The following TACC2 variants were observed in gnomAD, a reference collection of about 807,000 sequenced individuals.
TACC2 encodes transforming acidic coiled-coil-containing protein 2.
Under a neutral mutation model 227.3 loss-of-function variants are expected in TACC2, and 137 were observed. The observed-to-expected ratio is 0.60, with a 90% CI of 0.52 to 0.69. The LOEUF (loss-of-function observed/expected upper bound fraction) is 0.69. Ranked by LOEUF, TACC2 falls within the 30% of genes least tolerant of loss-of-function variation. The pLI, the probability that TACC2 is intolerant of heterozygous loss-of-function variation, is 0.00. For missense variants in TACC2, 3,470 were observed against 3,694.4 expected (o/e 0.94, Z 1.57); for synonymous variants, 1,523 against 1,487.5 (o/e 1.02, Z -0.55).
chr10:122,217,819 G>A (rs1192063832), intron 11 of TACC2, among the ~76,000 whole-genome samples: 1 of 152,070 alleles, frequency 6.6e-6, no homozygotes, highest in East Asian at 1.9e-4. Flanking sequence ...ACCTGTTGGT[G>A]CACCACGTTC....
At chr10:122,253,645 G>A (rs987725617) in intron 22 of TACC2, among the ~76,000 whole-genome samples, 3 of 152,298 alleles carry the variant, frequency 2.0e-5, no homozygotes, top group East Asian at 3.9e-4. Flanking sequence ...CATCCTTCCC[G>A]GGCAAATAAA....
chr10:122,209,235 G>A lies in TACC2; in HGVS notation c.5972-1162G>A, dbSNP rs1393336478. Among the ~76,000 whole-genome samples, 12 of 152,182 alleles carry A rather than the reference G, an allele frequency of 7.9e-5. No homozygotes were observed. The highest frequency in any genetic ancestry group is 2.1e-4 in the South Asian group (1 of 4,834). ...AGAGGTTACAGGTGATGGCTGGAGCGGCAGGTGGCAGACAGCAAGTGCTAC... is the reference window on the plus strand; with the variant it reads ...AGAGGTTACAGGTGATGGCTGGAGCAGCAGGTGGCAGACAGCAAGTGCTAC... On this transcript the variant is annotated intron_variant, in intron 8 of 22. Coordinates refer to ENST00000369005, the MANE Select transcript of TACC2 (RefSeq NM_206862.4). The surrounding 1 kb of genome is among the most constrained non-coding windows in gnomAD (Gnocchi z 4.5).
At position 122,159,684 on chromosome 10, in the gene TACC2, G is replaced by A. The variant is rs150380034; in HGVS notation, c.5834+15978G>A. Among the ~76,000 whole-genome samples the A allele has an allele frequency of 2.9e-3, 440 of 152,248 alleles. 5 individuals are homozygous for A. The highest frequency in any genetic ancestry group is 0.025 in the East Asian group (130 of 5,180). ...GGTTTTGTCCAGCCTCCCTCTGCTC[G>A]CCACCATGGTATAGTGGGTGGTGGT... On this transcript the variant is annotated intron_variant, in intron 7 of 22. Transcript: ENST00000369005.
At chr10:122,126,784 G>A (rs2086963742) in intron 5 of TACC2, 1 of 151,908 alleles carries the variant, frequency 6.6e-6, no homozygotes, top group African/African-American at 2.4e-5. Context: ...CTCAGGACCT[G>A]CCTGGATCAT....
rs942913905 is a variant in TACC2 at position 121,998,313 on chromosome 10, A to C, written c.-46+8825A>C. On this transcript the variant is annotated intron_variant, in intron 1 of 22. Transcript: ENST00000369005. Reference sequence around the variant, plus strand: ...GGTGACACAGTGAGACCACGTTCTCAAAAAAAAAAAAAAAAAAAAGGAAGA... The same window carrying C: ...GGTGACACAGTGAGACCACGTTCTCCAAAAAAAAAAAAAAAAAAAGGAAGA... 3.2e-5 allele frequency among the ~76,000 whole-genome samples: 3 copies of C among 93,462 alleles called. No individual in the cohort carries two copies. In the Admixed American group the frequency reaches 4.0e-4, roughly 12 times the overall value. 61.3% of individuals were successfully genotyped at this position (93,462 alleles called of 152,430 possible). A position where few individuals can be genotyped will look rare whatever the true frequency, so the allele number is the denominator to read the frequency against.
intron 6 of TACC2, among the ~76,000 whole-genome samples, chr10:122,137,581 A>G (rs1444487974): frequency 6.6e-6 from 1 of 152,212 alleles, no homozygotes; most frequent in African/African-American, 2.4e-5. Flanking sequence ...CTTTTCCCAC[A>G]GTCAAGAATC....
At chr10:122,005,336 G>A (rs1029915967) in intron 1 of TACC2, among the ~76,000 whole-genome samples, 32 of 149,566 alleles carry the variant, frequency 2.1e-4, no homozygotes, top group African/African-American at 6.9e-4. Context: ...CACCCACCTC[G>A]GCCTCCCAAA....
Position 122,180,759 on chromosome 10 carries a change from G to A in TACC2, c.5835-14281G>A, listed in dbSNP as rs1422408795. On this transcript the variant is annotated intron_variant, in intron 7 of 22. Transcript: ENST00000369005. This position sits in a 1 kb window ranked among gnomAD's most constrained non-coding sequence, Gnocchi z 4.5. ...TTTTATTTTTTATTTTTTTTGAGAC[G>A]GAGTCTCGCTCTGTTGCCGAGGCTG... is the stretch of plus-strand genomic sequence containing the variant. 1.3e-5 allele frequency among the ~76,000 whole-genome samples: 2 copies of A among 151,752 alleles called. No homozygotes were observed. The highest frequency in any genetic ancestry group is 1.9e-4 in the East Asian group (1 of 5,172).
At position 122,041,441 on chromosome 10, in the gene TACC2, C is replaced by CTTTTTTT. The variant is rs537169387; in HGVS notation, c.34-8988_34-8982dup. Reference sequence around the variant, plus strand: ...TTCATGACAGCACAGAGTTTCCTTTCTTTTTTTTTTTTTTTCTCGTAACGA... The same window carrying CTTTTTTT: ...TTCATGACAGCACAGAGTTTCCTTTCTTTTTTTTTTTTTTTTTTTTTTCTCGTAACGA... On this transcript the variant is annotated intron_variant, in intron 2 of 22. Coordinates refer to ENST00000369005, the MANE Select transcript of TACC2 (RefSeq NM_206862.4). Among the ~76,000 whole-genome samples the CTTTTTTT allele has an allele frequency of 7.1e-5, 10 of 140,172 alleles. 2 individuals are homozygous for CTTTTTTT. The highest frequency in any genetic ancestry group is 1.2e-4 in the Non-Finnish European group (8 of 65,316). 92.0% of individuals were successfully genotyped at this position (140,172 alleles called of 152,430 possible). A position where few individuals can be genotyped will look rare whatever the true frequency, so the allele number is the denominator to read the frequency against.
chr10:122,185,999 C>T (rs752953324), intron 7 of TACC2, among the ~76,000 whole-genome samples: 38 of 151,612 alleles, frequency 2.5e-4, no homozygotes, highest in Admixed American at 6.6e-4. Flanking sequence ...GGTGTGATCT[C>T]GGCTCACCTC....
intron 2 of TACC2, among the ~76,000 whole-genome samples, chr10:122,040,478 A>C (rs1248181670): frequency 1.3e-5 from 2 of 152,126 alleles, no homozygotes; most frequent in African/African-American, 4.8e-5. Context: ...ACAGTTGTTC[A>C]GTTCTGGAGA....
intron 6 of TACC2, among the ~76,000 whole-genome samples, chr10:122,142,970 G>T (rs931375291): frequency 6.6e-6 from 1 of 152,148 alleles, no homozygotes; most frequent in Admixed American, 6.5e-5. Context: ...CGGAGGCCCC[G>T]CACGCTGTGG....
At chr10:122,087,980 C>T (rs1037638597) in intron 4 of TACC2, 21 bp downstream of exon 4, 1 of 1,493,366 alleles carries the variant, frequency 6.7e-7, no homozygotes. Context: ...GAAAAAATTC[C>T]CACGGGAATG....
intron 7 of TACC2, among the ~76,000 whole-genome samples, chr10:122,186,804 C>CAAA (rs2094211322): frequency 6.6e-6 from 1 of 152,212 alleles, no homozygotes; most frequent in African/African-American, 2.4e-5. Context: ...TGTGACACCG[C>CAAA]CCCCGGCCAA....
chr10:122,212,415 C>CCAAGTA lies in TACC2; in HGVS notation c.7283+710_7283+715dup, dbSNP rs146597099. Among the ~76,000 whole-genome samples the CCAAGTA allele has an allele frequency of 3.8e-3, 575 of 152,362 alleles. 4 individuals carry two copies. Among genetic ancestry groups the CCAAGTA allele is most frequent in the African/African-American group, 0.013 (543 of 41,586 alleles). On this transcript the variant is annotated intron_variant, in intron 9 of 22. Transcript: ENST00000369005. ...TATGGTCCCCAGACACTTGACAAGGCCAAGTACATCGTGCTTAAATATCAA... is the reference window on the plus strand; with the variant it reads ...TATGGTCCCCAGACACTTGACAAGGCCAAGTACAAGTACATCGTGCTTAAATATCAA...
intron 5 of TACC2, among the ~76,000 whole-genome samples, chr10:122,095,761 T>G (rs1361281752): frequency 6.6e-6 from 1 of 152,220 alleles, no homozygotes; most frequent in Non-Finnish European, 1.5e-5. Flanking sequence ...CGACGGTTCT[T>G]CAGTGGTGGG....
chr10:121,990,838 A>G (rs1314501016), intron 1 of TACC2, among the ~76,000 whole-genome samples: 4 of 152,072 alleles, frequency 2.6e-5, no homozygotes, highest in African/African-American at 9.7e-5. Flanking sequence ...CCCAGGCTGG[A>G]GTGTAGTGTT....
chr10:122,012,476 A>G (rs553621334), intron 1 of TACC2, among the ~76,000 whole-genome samples: 1 of 148,746 alleles, frequency 6.7e-6, no homozygotes, highest in Non-Finnish European at 1.5e-5. Flanking sequence ...CTGATCTCGA[A>G]CTCTTGACCT....
rs538171099 is a variant in TACC2 at position 122,097,780 on chromosome 10, A to C, written c.5573+9189A>C. Among the ~76,000 whole-genome samples, 6 of 152,194 alleles carry C rather than the reference A, an allele frequency of 3.9e-5. 1 individual carries two copies. The South Asian group carries it at 1.2e-3, about 32-fold the overall frequency. ...GGAGGGTTACAGTGGGGAGAAGATG[A>C]GATGAGACACGGCACACCCGACACA... On this transcript the variant is annotated intron_variant, in intron 5 of 22. Coordinates refer to ENST00000369005, the MANE Select transcript of TACC2 (RefSeq NM_206862.4).
Sources: allele counts gnomAD v4.1 joint callset (sites outside exome capture counted in the v4.1 genomes callset), GRCh38; gene constraint gnomAD v4.1.1; non-coding constraint Gnocchi (gnomAD v3.1); transcripts MANE v1.5; gene names NCBI Gene and HGNC (gene_info 2026-07-23, HGNC 2026-07-21).